Variants in LCORL observed in about 807,000 individuals in gnomAD.
LCORL encodes ligand-dependent nuclear receptor corepressor-like protein.
Under a neutral mutation model 141.8 loss-of-function variants are expected in LCORL, and 41 were observed. The observed-to-expected ratio is 0.29, with a 90% CI of 0.23 to 0.38. The LOEUF (loss-of-function observed/expected upper bound fraction) is 0.38, where lower values mean the gene tolerates loss of function less well. Ranked by LOEUF, LCORL falls within the 10% of genes least tolerant of loss-of-function variation. LCORL has a pLI of 1.00. For synonymous variants in LCORL, 618 were observed against 694.1 expected (o/e 0.89, Z 1.72); for missense variants, 1,759 against 2,035.0 (o/e 0.86, Z 2.61).
chr4:17,946,726 T>G (rs1366181618), intron 4 of LCORL, among the ~76,000 whole-genome samples: 3 of 151,966 alleles, frequency 2.0e-5, no homozygotes, highest in African/African-American at 7.2e-5. Context: ...ATAAGTGCAG[T>G]CTGCATCTTT....
At chr4:17,942,354 A>T (rs1264212444) in intron 4 of LCORL, among the ~76,000 whole-genome samples, 1 of 152,180 alleles carries the variant, frequency 6.6e-6, no homozygotes, top group Non-Finnish European at 1.5e-5. Context: ...AAGCAAGCAG[A>T]AAGGTAAACT....
intron 7 of LCORL, among the ~76,000 whole-genome samples, chr4:17,868,408 A>C (rs1325278400): frequency 1.3e-5 from 2 of 152,058 alleles, no homozygotes; most frequent in Non-Finnish European, 2.9e-5. Flanking sequence ...GGCTACTATT[A>C]TTACAGGAGC....
chr4:17,885,933 G>T, intron 6 of LCORL, 135 bp downstream of exon 6: 1 of 414,740 alleles, frequency 2.4e-6, no homozygotes. Context: ...AAAGGTATGA[G>T]AGAGAGACAC....
rs189585418 is a variant in LCORL at position 17,955,386 on chromosome 4, G to A, written c.430+6517C>T. Among the ~76,000 whole-genome samples the A allele has an allele frequency of 4.2e-4, 64 of 152,132 alleles. 1 individual carries two copies. In the East Asian group the frequency reaches 0.012, roughly 28 times the overall value. On this transcript the variant is annotated intron_variant, in intron 4 of 7. Coordinates refer to ENST00000635767, the Ensembl canonical transcript of LCORL. ...ATGGATTGAAAAGAGAAGGGAAGGT[G>A]GAAAGTGGAGATGGCAAAAGTATGG...
chr4:17,878,262 A>G (rs1727120855), intron 6 of LCORL, 49 bp from the exon 7 acceptor site: 8 of 1,153,912 alleles, frequency 6.9e-6, no homozygotes, highest in Non-Finnish European at 8.7e-6. Flanking sequence ...AAATACCACT[A>G]TAAGGAGTTA....
At chr4:17,913,683 A>G (rs1303987530) in intron 4 of LCORL, among the ~76,000 whole-genome samples, 1 of 152,236 alleles carries the variant, frequency 6.6e-6, no homozygotes, top group Admixed American at 6.5e-5. Flanking sequence ...TTCATCAAAC[A>G]AGGGCAATAT....
At chr4:17,869,201 T>C (rs2109158416) in intron 7 of LCORL, among the ~76,000 whole-genome samples, 1 of 152,256 alleles carries the variant, frequency 6.6e-6, no homozygotes, top group South Asian at 2.1e-4. Context: ...GTTTATTCCC[T>C]ATTGGCTTTT....
chr4:17,855,322 A>G (rs147853541), intron 7 of LCORL, among the ~76,000 whole-genome samples: 150 of 152,310 alleles, frequency 9.8e-4, no homozygotes, highest in African/African-American at 3.0e-3. Context: ...TAAAAAGAAT[A>G]AAAATAGGAA....
chr4:17,879,489 T>G lies in LCORL; in HGVS notation c.777-1276A>C, dbSNP rs1338438851. On this transcript the variant is annotated intron_variant, in intron 6 of 7. Coordinates refer to ENST00000635767, the Ensembl canonical transcript of LCORL. ...GAGATGTGAAATTAAAATAAAACTT[T>G]TAAAGTCACTGCCGCCTCTAGACAG... Among the ~76,000 whole-genome samples, 3 of 151,126 alleles carry G rather than the reference T, an allele frequency of 2.0e-5. No homozygotes were observed. In the East Asian group the frequency reaches 5.8e-4, roughly 29 times the overall value.
Position 18,021,736 on chromosome 4 carries a change from C to T in LCORL, c.16G>A (p.Glu6Lys), listed in dbSNP as rs1356046767. The stretch of plus-strand genomic sequence containing the variant: ...GCGGCGGCGGCAGCGGCCATTCTCT[C>T]TCTTCCCTTGTCCATCTGCGTCCCG... The change falls in exon 1 of 8, where the codon GAG becomes AAG. Residue 6 changes from glutamate (E) to lysine (K), a missense_variant. Transcript: ENST00000635767. The surrounding 1 kb of genome is among the most constrained non-coding windows in gnomAD (Gnocchi z 5.5). 2 of 1,522,870 alleles carry T rather than the reference C, an allele frequency of 1.3e-6. No individual in the cohort carries two copies. Among genetic ancestry groups the T allele is most frequent in the South Asian group, 1.2e-5 (1 of 80,260 alleles). The allele number at this position is 1,522,870 out of a possible 1,614,324, so 94.3% of individuals were successfully genotyped here.
intron 5 of LCORL, among the ~76,000 whole-genome samples, chr4:17,903,747 T>C (rs1731211617): frequency 6.6e-6 from 1 of 151,984 alleles, no homozygotes; most frequent in African/African-American, 2.4e-5. Flanking sequence ...TAACCATATT[T>C]TAAGTGAGTG....
intron 6 of LCORL, chr4:17,883,039 A>T: frequency 1.3e-5 from 13 of 978,334 alleles, no homozygotes; most frequent in Non-Finnish European, 1.6e-5. Context: ...CAGTTTTTTT[A>T]AAGTATATAC....
intron 4 of LCORL, among the ~76,000 whole-genome samples, chr4:17,930,865 C>T (rs1735926969): frequency 6.6e-6 from 1 of 152,110 alleles, no homozygotes; most frequent in Non-Finnish European, 1.5e-5. Context: ...AATTTGAAAA[C>T]TGTCTTTTTC....
intron 4 of LCORL, among the ~76,000 whole-genome samples, chr4:17,944,891 A>G (rs1428038813): frequency 6.6e-6 from 1 of 152,222 alleles, no homozygotes; most frequent in Non-Finnish European, 1.5e-5. Flanking sequence ...TGGAAAGTCT[A>G]CAGATAAACT....
At chr4:17,864,176 T>A (rs750744835) in intron 7 of LCORL, among the ~76,000 whole-genome samples, 7 of 152,156 alleles carry the variant, frequency 4.6e-5, no homozygotes, top group Non-Finnish European at 8.8e-5. Flanking sequence ...TATATTATTA[T>A]TTGAAGGTAG....
chr4:18,015,581 AAAT>A (rs1724506119), intron 1 of LCORL, among the ~76,000 whole-genome samples: 1 of 152,092 alleles, frequency 6.6e-6, no homozygotes, highest in Non-Finnish European at 1.5e-5. Flanking sequence ...ACATCTTTTA[AAAT>A]AGAAAACATT....
chr4:17,965,271 A>G (rs1042514420), intron 2 of LCORL, among the ~76,000 whole-genome samples: 14 of 152,126 alleles, frequency 9.2e-5, no homozygotes, highest in African/African-American at 3.4e-4. Context: ...AACCAAACAA[A>G]TGATGTTTGG....
rs561665242 is a variant in LCORL at position 17,993,646 on chromosome 4, GAATT to G, written c.155-20765_155-20762del. Among the ~76,000 whole-genome samples the G allele has an allele frequency of 1.2e-4, 18 of 152,302 alleles. 1 individual carries two copies. The South Asian group carries it at 3.5e-3, about 30-fold the overall frequency. On this transcript the variant is annotated intron_variant, in intron 1 of 7. Transcript: ENST00000635767. ...AGGAGCCTAGTTATGTTTTGCCAAG[GAATT>G]AATTTTTATCCTGAAAGCCAAATGA...
intron 2 of LCORL, among the ~76,000 whole-genome samples, chr4:17,968,941 G>A (rs1553879090): frequency 6.6e-6 from 1 of 152,108 alleles, no homozygotes; most frequent in Non-Finnish European, 1.5e-5. Flanking sequence ...CACACCTAGA[G>A]AAAAAACAGT....
Sources: gnomAD v4.1 joint callset for allele counts (sites outside exome capture counted in the v4.1 genomes callset) on GRCh38, gnomAD v4.1.1 for gene constraint, Gnocchi (gnomAD v3.1) non-coding constraint, MANE v1.5 for transcripts, NCBI Gene and HGNC (gene_info 2026-07-23, HGNC 2026-07-21) for gene names.